Variants in FAM174B observed in about 807,000 individuals in gnomAD.
The protein encoded by FAM174B is family with sequence similarity 174 member B, also known as membrane protein FAM174B.
Under a neutral mutation model 10.9 loss-of-function variants are expected in FAM174B, and 12 were observed. The observed-to-expected ratio is 1.10, with a 90% CI of 0.71 to 1.79. The LOEUF (loss-of-function observed/expected upper bound fraction) is 1.79. Among genes scored for constraint, FAM174B ranks in the 40% most tolerant of loss-of-function variants. The probability of loss-of-function intolerance (pLI) is 0.00; values close to 1 mark genes in which losing one functional copy is unlikely to be tolerated. For synonymous variants in FAM174B, 132 were observed against 115.8 expected (o/e 1.14, Z -0.90); for missense variants, 266 against 233.3 (o/e 1.14, Z -0.91).
At position 92,617,664 on chromosome 15, in the gene FAM174B, TC is replaced by T; in HGVS notation, c.*1791del. On this transcript the variant is annotated 3_prime_UTR_variant, in exon 3 of 3. Transcript: ENST00000327355. ...CCCTGTGTGAGCCAGCAGTTCCAGTTCAAAGGTTGAGGGGGCGAACAGCTGC... is the reference window on the plus strand; with the variant it reads ...CCCTGTGTGAGCCAGCAGTTCCAGTTAAAGGTTGAGGGGGCGAACAGCTGC... The T allele has an allele frequency of 3.0e-6, 2 of 677,622 alleles. No individual in the cohort carries two copies. The highest frequency in any genetic ancestry group is 3.1e-5 in the South Asian group (2 of 64,124). 42.0% of individuals were successfully genotyped at this position (677,622 alleles called of 1,614,324 possible). A position where few individuals can be genotyped will look rare whatever the true frequency, so the allele number is the denominator to read the frequency against.
At chr15:92,635,360 T>C (rs2050848507) in intron 1 of FAM174B, among the ~76,000 whole-genome samples, 1 of 152,140 alleles carries the variant, frequency 6.6e-6, no homozygotes, top group Non-Finnish European at 1.5e-5. Context: ...GAAGAGCAAT[T>C]TCTGCTGTTT....
chr15:92,645,283 T>C (rs2050918854), intron 1 of FAM174B, among the ~76,000 whole-genome samples: 1 of 152,252 alleles, frequency 6.6e-6, no homozygotes, highest in African/African-American at 2.4e-5. Context: ...TAACCAAGTG[T>C]TAGCACTGTT....
chr15:92,655,668 G>A lies in FAM174B; in HGVS notation c.-9C>T. The A allele has an allele frequency of 1.6e-6, 2 of 1,258,562 alleles. No homozygotes were observed. Among genetic ancestry groups the A allele is most frequent in the African/African-American group, 1.5e-5 (1 of 64,706 alleles). The allele number at this position is 1,258,562 out of a possible 1,614,324, so 78.0% of individuals were successfully genotyped here. ...AGCGGCACGGCGCGCATAGTGCGGT[G>A]GGTCGGCACAGGATCGGGCAGGGCG... On this transcript the variant is annotated 5_prime_UTR_variant, in exon 1 of 3. Coordinates refer to ENST00000327355, the MANE Select transcript of FAM174B (RefSeq NM_207446.3).
intron 1 of FAM174B, among the ~76,000 whole-genome samples, chr15:92,649,405 G>A (rs1313599614): frequency 1.3e-5 from 2 of 152,214 alleles, no homozygotes; most frequent in Non-Finnish European, 2.9e-5. Context: ...AGAAACAGAT[G>A]CACCTGCCTG....
rs1391900440 is a variant in FAM174B at position 92,643,973 on chromosome 15, C to T, written c.344+11343G>A. On this transcript the variant is annotated intron_variant, in intron 1 of 2. Coordinates refer to ENST00000327355, the MANE Select transcript of FAM174B (RefSeq NM_207446.3). Reference sequence around the variant, plus strand: ...CAGTGTAGACAGGAGGACTAGCAGGCGACCCTGAGCCAAGCGGTCCCTCCA... The same window carrying T: ...CAGTGTAGACAGGAGGACTAGCAGGTGACCCTGAGCCAAGCGGTCCCTCCA... 4.6e-5 allele frequency among the ~76,000 whole-genome samples: 7 copies of T among 152,134 alleles called. No homozygotes were observed. In the East Asian group the frequency reaches 9.6e-4, roughly 21 times the overall value.
chr15:92,655,716 C>A lies in FAM174B; in HGVS notation c.-57G>T. 8.3e-7 allele frequency: 1 copy of A among 1,209,550 alleles called. No homozygotes were observed. The highest frequency in any genetic ancestry group is 1.0e-6 in the Non-Finnish European group (1 of 970,840). 74.9% of individuals were successfully genotyped at this position (1,209,550 alleles called of 1,614,324 possible). ...GCGCGCGCGGCTGAGCTCCAGGATCCGCACCAGCACGGAGGCCTGCACCGG... is the reference window on the plus strand; with the variant it reads ...GCGCGCGCGGCTGAGCTCCAGGATCAGCACCAGCACGGAGGCCTGCACCGG... On this transcript the variant is annotated 5_prime_UTR_variant, in exon 1 of 3. Coordinates refer to ENST00000327355, the MANE Select transcript of FAM174B (RefSeq NM_207446.3).
intron 1 of FAM174B, among the ~76,000 whole-genome samples, chr15:92,641,915 T>A (rs567300766): frequency 6.6e-6 from 1 of 152,136 alleles, no homozygotes; most frequent in African/African-American, 2.4e-5. Context: ...AAACTATACA[T>A]CTGATCAAAG....
chr15:92,617,727 T>C lies in FAM174B; in HGVS notation c.*1729A>G. ...GCTCCCGTGAGTCACCACTCAGGCCTGAGTACACCGTGGAGAGGAGAGATA... is the reference window on the plus strand; with the variant it reads ...GCTCCCGTGAGTCACCACTCAGGCCCGAGTACACCGTGGAGAGGAGAGATA... On this transcript the variant is annotated 3_prime_UTR_variant, in exon 3 of 3. Coordinates refer to ENST00000327355, the MANE Select transcript of FAM174B (RefSeq NM_207446.3). 1 of 663,370 alleles carries C rather than the reference T, an allele frequency of 1.5e-6. No individual in the cohort carries two copies. The highest frequency in any genetic ancestry group is 2.7e-6 in the Non-Finnish European group (1 of 369,648). 41.1% of individuals were successfully genotyped at this position (663,370 alleles called of 1,614,324 possible).
intron 2 of FAM174B, among the ~76,000 whole-genome samples, chr15:92,626,114 ATTTTT>A (rs67649021): frequency 4.8e-5 from 5 of 105,084 alleles, no homozygotes; most frequent in Non-Finnish European, 9.6e-5. Flanking sequence ...AGGTTGCTGG[ATTTTT>A]TTTTTTTTTT....
intron 1 of FAM174B, among the ~76,000 whole-genome samples, chr15:92,639,810 T>C (rs1473062913): frequency 1.3e-5 from 2 of 152,204 alleles, no homozygotes. Flanking sequence ...TGCTCCCCTT[T>C]GCCTTCCACC....
intron 2 of FAM174B, among the ~76,000 whole-genome samples, chr15:92,629,551 G>A (rs776490347): frequency 1.8e-4 from 27 of 152,158 alleles, no homozygotes; most frequent in Non-Finnish European, 2.5e-4. Context: ...TGCTTGGGCC[G>A]GACCCCTGAC....
chr15:92,627,645 T>C (rs1245252439), intron 2 of FAM174B, among the ~76,000 whole-genome samples: 3 of 152,236 alleles, frequency 2.0e-5, no homozygotes, highest in African/African-American at 4.8e-5. Context: ...AAAATAGTTC[T>C]GTCTATCATG....
chr15:92,642,732 A>G (rs1237881588), intron 1 of FAM174B, among the ~76,000 whole-genome samples: 1 of 152,218 alleles, frequency 6.6e-6, no homozygotes, highest in Non-Finnish European at 1.5e-5. Context: ...TTTCCTTCAT[A>G]AATTTCCCAG....
chr15:92,619,692 TCCCTAGA>T, intron 2 of FAM174B: 63 of 585,402 alleles, frequency 1.1e-4, no homozygotes, highest in South Asian at 3.1e-4. Context: ...CCACACAGAC[TCCCTAGA>T]ACACAACCTC....
At chr15:92,652,828 C>T (rs2050975600) in intron 1 of FAM174B, among the ~76,000 whole-genome samples, 1 of 151,998 alleles carries the variant, frequency 6.6e-6, no homozygotes, top group African/African-American at 2.4e-5. Flanking sequence ...GAAGGAGGGC[C>T]CCCAGCCAGC....
intron 1 of FAM174B, among the ~76,000 whole-genome samples, chr15:92,649,266 C>T (rs1297979863): frequency 6.6e-6 from 1 of 152,206 alleles, no homozygotes; most frequent in African/African-American, 2.4e-5. Flanking sequence ...AAGGAATCCA[C>T]GTCAGGTGCC....
intron 2 of FAM174B, among the ~76,000 whole-genome samples, chr15:92,622,250 C>T (rs534519323): frequency 1.3e-5 from 2 of 152,350 alleles, no homozygotes; most frequent in South Asian, 2.1e-4. Flanking sequence ...TTAAGAAACG[C>T]CCACACATAC....
At chr15:92,639,980 T>C (rs923789346) in intron 1 of FAM174B, among the ~76,000 whole-genome samples, 1 of 152,050 alleles carries the variant, frequency 6.6e-6, no homozygotes. Context: ...AATCAGATGC[T>C]ATAGCAGAAT....
chr15:92,630,978 T>C (rs867133607), intron 1 of FAM174B, among the ~76,000 whole-genome samples: 9 of 170 alleles, frequency 0.053, 2 homozygotes, highest in Non-Finnish European at 0.075. Context: ...TTACATATTA[T>C]ATATTATATA....
Sources: allele counts gnomAD v4.1 joint callset (sites outside exome capture counted in the v4.1 genomes callset), GRCh38; gene constraint gnomAD v4.1.1; transcripts MANE v1.5; gene names NCBI Gene and HGNC (gene_info 2026-07-23, HGNC 2026-07-21).